The following ZEB1 variants were observed in gnomAD, a reference collection of about 807,000 sequenced individuals.
ZEB1 encodes the protein zinc finger E-box binding homeobox 1.
A neutral mutation model predicts 84.9 loss-of-function variants in ZEB1; 21 were observed. The ratio of observed to expected loss-of-function variants is 0.25; its 90% CI spans 0.18 to 0.36. The LOEUF (loss-of-function observed/expected upper bound fraction) is 0.36. Among genes scored for constraint, ZEB1 ranks in the 10% least tolerant of loss-of-function variants. ZEB1 has a pLI of 1.00. For synonymous variants in ZEB1, 420 were observed against 471.1 expected (o/e 0.89, Z 1.41); for missense variants, 1,104 against 1,330.2 (o/e 0.83, Z 2.65).
In ZEB1 at chr10:31,529,688, C is replaced by CT. The variant is rs1290515105; in HGVS notation, c.*2431dup. ...TTTATGGAGCTCAGCTATGTTCTCA[C>CT]TTTTTTTGCTTCTAATTCCAGAATA... On this transcript the variant is annotated 3_prime_UTR_variant, in exon 9 of 9. Transcript: ENST00000424869. The CT allele has an allele frequency of 6.6e-6, 1 of 152,120 alleles. No homozygotes were observed. Among genetic ancestry groups the CT allele is most frequent in the Non-Finnish European group, 1.5e-5 (1 of 68,026 alleles). The allele number at this position is 152,120 out of a possible 1,614,324, so 9.4% of individuals were successfully genotyped here. A position where few individuals can be genotyped will look rare whatever the true frequency, so the allele number is the denominator to read the frequency against.
chr10:31,419,409 T>C (rs2055770020), intron 1 of ZEB1, among the ~76,000 whole-genome samples: 1 of 152,168 alleles, frequency 6.6e-6, no homozygotes, highest in Admixed American at 6.5e-5. Flanking sequence ...TTTTGAATAG[T>C]GGAATAATAT....
chr10:31,473,841 G>A (rs968364594), intron 2 of ZEB1, among the ~76,000 whole-genome samples: 1,535 of 150,332 alleles, frequency 0.01, 24 homozygotes, highest in African/African-American at 0.036. Context: ...AAAACAGCAT[G>A]GTACTGGTAC....
chr10:31,443,837 A>C (rs895368723), intron 1 of ZEB1, among the ~76,000 whole-genome samples: 2 of 151,050 alleles, frequency 1.3e-5, no homozygotes, highest in African/African-American at 4.9e-5. Context: ...GTTGGCTCCA[A>C]GTCTTTGCTA....
At chr10:31,479,178 C>T (rs1479887727) in intron 2 of ZEB1, among the ~76,000 whole-genome samples, 2 of 151,642 alleles carry the variant, frequency 1.3e-5, no homozygotes, top group African/African-American at 4.8e-5. Context: ...GTACAACCTA[C>T]CAAGATATAC....
At chr10:31,339,589 G>A (rs886115177) in intron 1 of ZEB1, among the ~76,000 whole-genome samples, 2 of 152,004 alleles carry the variant, frequency 1.3e-5, no homozygotes, top group African/African-American at 4.8e-5. Context: ...CCAATGTGGT[G>A]AAACCCCTTC....
Position 31,527,271 on chromosome 10 carries a change from T to C in ZEB1, c.*7T>C, listed in dbSNP as rs2073679608. ...AAAGACAAATGAAGCCTAATCGTTT[T>C]TCTAGAAGGAAAATAAATTCTAATT... On this transcript the variant is annotated 3_prime_UTR_variant, in exon 9 of 9. Coordinates refer to ENST00000424869, the MANE Select transcript of ZEB1 (RefSeq NM_001174096.2). 1.3e-6 allele frequency: 2 copies of C among 1,596,590 alleles called. No homozygotes were observed. Among genetic ancestry groups the C allele is most frequent in the Non-Finnish European group, 1.7e-6 (2 of 1,173,798 alleles).
rs74647511 is a variant in ZEB1 at position 31,325,996 on chromosome 10, G to A, written c.58+6704G>A. Among the ~76,000 whole-genome samples the A allele has an allele frequency of 7.3e-3, 1,046 of 143,446 alleles. 11 individuals are homozygous for A. Among genetic ancestry groups the A allele is most frequent in the African/African-American group, 0.026 (997 of 37,972 alleles). The allele number at this position is 143,446 out of a possible 152,430, so 94.1% of individuals were successfully genotyped here. A position where few individuals can be genotyped will look rare whatever the true frequency, so the allele number is the denominator to read the frequency against. The stretch of plus-strand genomic sequence containing the variant: ...TTTTTTTTTTTTTTAAGTAGATAGT[G>A]CTGAGTGTAACTAGTTTGCTGATGA... On this transcript the variant is annotated intron_variant, in intron 1 of 8. Transcript: ENST00000424869.
At chr10:31,418,595 C>T (rs1031074999) in intron 1 of ZEB1, among the ~76,000 whole-genome samples, 2 of 151,890 alleles carry the variant, frequency 1.3e-5, no homozygotes, top group Non-Finnish European at 2.9e-5. Flanking sequence ...TTTTGCTGTG[C>T]GTTTTGGTGG....
At chr10:31,469,895 G>T (rs1189571111) in intron 2 of ZEB1, among the ~76,000 whole-genome samples, 4 of 152,172 alleles carry the variant, frequency 2.6e-5, no homozygotes, top group Non-Finnish European at 4.4e-5. Context: ...CCTCAAGTGG[G>T]TCCCTGACCC....
intron 2 of ZEB1, among the ~76,000 whole-genome samples, chr10:31,491,501 A>G (rs1390620494): frequency 1.3e-5 from 2 of 151,826 alleles, no homozygotes; most frequent in South Asian, 2.1e-4. Flanking sequence ...CTTCACTGCC[A>G]TGCCCCAGGG....
intron 1 of ZEB1, among the ~76,000 whole-genome samples, chr10:31,454,578 A>T (rs539843433): frequency 7.9e-4 from 121 of 152,348 alleles, no homozygotes; most frequent in African/African-American, 2.8e-3. Context: ...AAGTCTCAGG[A>T]TACAAAATCA....
intron 1 of ZEB1, among the ~76,000 whole-genome samples, chr10:31,351,029 T>C (rs2041232392): frequency 6.6e-6 from 1 of 152,164 alleles, no homozygotes; most frequent in Admixed American, 6.6e-5. Flanking sequence ...CCCCATTATG[T>C]TCACTTTCTC....
intron 1 of ZEB1, among the ~76,000 whole-genome samples, chr10:31,394,776 C>T (rs2050391335): frequency 1.3e-5 from 2 of 152,174 alleles, no homozygotes; most frequent in South Asian, 4.1e-4. Context: ...TCTGAGATTG[C>T]TGAATCTGCA....
chr10:31,458,035 G>A (rs1293083444), intron 1 of ZEB1, among the ~76,000 whole-genome samples: 3 of 151,992 alleles, frequency 2.0e-5, no homozygotes, highest in Non-Finnish European at 2.9e-5. Flanking sequence ...GCCTCCCTTC[G>A]CAAAACAGCA....
intron 2 of ZEB1, among the ~76,000 whole-genome samples, chr10:31,469,247 C>T (rs979655009): frequency 1.6e-4 from 25 of 152,280 alleles, no homozygotes; most frequent in Middle Eastern, 6.8e-3. Context: ...GTCTACAGCT[C>T]CCAGCGTGAG....
At chr10:31,351,605 G>C (rs1276665205) in intron 1 of ZEB1, among the ~76,000 whole-genome samples, 4 of 151,864 alleles carry the variant, frequency 2.6e-5, no homozygotes. Context: ...TCTTTTATTG[G>C]GTCAGGGCAA....
At chr10:31,340,116 T>A (rs1470911408) in intron 1 of ZEB1, among the ~76,000 whole-genome samples, 1 of 152,184 alleles carries the variant, frequency 6.6e-6, no homozygotes, top group Non-Finnish European at 1.5e-5. Flanking sequence ...CTCCATAATT[T>A]ATTTGTGTGC....
intron 1 of ZEB1, among the ~76,000 whole-genome samples, chr10:31,454,937 A>T (rs2061021080): frequency 6.6e-6 from 1 of 152,198 alleles, no homozygotes; most frequent in Non-Finnish European, 1.5e-5. Context: ...GGAACCAAAA[A>T]AGAGCCCACA....
In ZEB1 at chr10:31,520,762, A is replaced by G. The variant is rs760121402; in HGVS notation, c.1430A>G (p.Asn477Ser). Residue 477 changes from asparagine (N) to serine (S), a missense_variant, in exon 7 of 9, where the codon AAC becomes AGC. By Grantham distance (46) the Asn-to-Ser change is conservative. Transcript: ENST00000424869. This position sits in a 1 kb window ranked among gnomAD's most constrained non-coding sequence, Gnocchi z 5.1. Reference protein sequence around the residue: ...DQDGTTKIIINYSLEQPSQLQ... With the variant: ...DQDGTTKIIISYSLEQPSQLQ... ...GATGGAACAACCAAAATTATCATCA[A>G]CTACAGTCTTGAGCAGCCTAGCCAA... 1 of 1,614,056 alleles carries G rather than the reference A, an allele frequency of 6.2e-7. No homozygotes were observed. The highest frequency in any genetic ancestry group is 8.5e-7 in the Non-Finnish European group (1 of 1,180,002).
Sources: gnomAD v4.1 joint callset for allele counts (sites outside exome capture counted in the v4.1 genomes callset) on GRCh38, gnomAD v4.1.1 for gene constraint, Gnocchi (gnomAD v3.1) non-coding constraint, MANE v1.5 for transcripts, NCBI Gene and HGNC (gene_info 2026-07-23, HGNC 2026-07-21) for gene names.